The following SPATA6 variants were observed in gnomAD, a reference collection of about 807,000 sequenced individuals.
SPATA6 encodes the protein spermatogenesis-associated protein 6.
In SPATA6, 56 loss-of-function variants were observed where a neutral mutation model predicts 65.3. The observed-to-expected ratio is 0.86, with a 90% CI of 0.69 to 1.07. The LOEUF (loss-of-function observed/expected upper bound fraction) is 1.07. Ranked by LOEUF, SPATA6 falls within the 50% of genes least tolerant of loss-of-function variation. SPATA6 has a pLI of 0.00. For synonymous variants in SPATA6, 199 were observed against 213.2 expected (o/e 0.93, Z 0.58); for missense variants, 590 against 594.8 (o/e 0.99, Z 0.08).
At chr1:48,346,070 A>C (rs1646356007) in intron 11 of SPATA6, among the ~76,000 whole-genome samples, 1 of 152,148 alleles carries the variant, frequency 6.6e-6, no homozygotes, top group Non-Finnish European at 1.5e-5. Context: ...ACATCAAGGC[A>C]AAAATCCTCA....
At chr1:48,326,340 T>C (rs1269940809) in intron 11 of SPATA6, among the ~76,000 whole-genome samples, 2 of 152,124 alleles carry the variant, frequency 1.3e-5, no homozygotes, top group Admixed American at 6.6e-5. Flanking sequence ...CAAAACACTG[T>C]TGAAATTGTA....
intron 5 of SPATA6, among the ~76,000 whole-genome samples, chr1:48,410,532 G>GT (rs1283789961): frequency 1.3e-5 from 2 of 152,124 alleles, no homozygotes; most frequent in African/African-American, 4.8e-5. Flanking sequence ...CCAATGTACT[G>GT]TATTAATCCA....
At chr1:48,431,058 A>C (rs12064193) in intron 3 of SPATA6, among the ~76,000 whole-genome samples, 2,244 of 152,232 alleles carry the variant, frequency 0.015, 47 homozygotes, top group African/African-American at 0.05. Context: ...ACACATTTTA[A>C]AAGTGAAAGG....
chr1:48,367,852 G>C (rs566097200), intron 9 of SPATA6, among the ~76,000 whole-genome samples: 1 of 152,122 alleles, frequency 6.6e-6, no homozygotes, highest in Non-Finnish European at 1.5e-5. Flanking sequence ...ATGTTATCTG[G>C]TTATTTTGCT....
chr1:48,438,174 C>T (rs1277153159), intron 3 of SPATA6, among the ~76,000 whole-genome samples: 2 of 152,116 alleles, frequency 1.3e-5, no homozygotes, highest in Admixed American at 1.3e-4. Context: ...CCTTTAAGAG[C>T]TGTAACACTC....
At chr1:48,428,650 A>T (rs888404445) in intron 3 of SPATA6, among the ~76,000 whole-genome samples, 1 of 152,086 alleles carries the variant, frequency 6.6e-6, no homozygotes. Flanking sequence ...CACATTGAGC[A>T]GGCTGAGGTA....
intron 1 of SPATA6, among the ~76,000 whole-genome samples, chr1:48,470,276 AGTCAGGCAGCTGCGCTCACCAGACT>A (rs1389334289): frequency 6.6e-6 from 1 of 152,156 alleles, no homozygotes; most frequent in Admixed American, 6.5e-5. Flanking sequence ...GCAGCCAGCC[AGTCAGGCAGCTGCGCTCACCAGACT>A]GCTAAACACC....
At chr1:48,397,496 A>G (rs1570444820) in intron 7 of SPATA6, among the ~76,000 whole-genome samples, 1 of 151,720 alleles carries the variant, frequency 6.6e-6, no homozygotes, top group African/African-American at 2.4e-5. Context: ...TTATTCTTTA[A>G]GATGAAAGAA....
At chr1:48,364,572 A>T (rs962267379) in intron 9 of SPATA6, among the ~76,000 whole-genome samples, 9 of 152,014 alleles carry the variant, frequency 5.9e-5, no homozygotes, top group African/African-American at 4.8e-5. Context: ...GCATTTTTTC[A>T]TGTGTTTTTT....
intron 1 of SPATA6, among the ~76,000 whole-genome samples, chr1:48,457,438 G>GA (rs1657093513): frequency 6.7e-6 from 1 of 148,384 alleles, no homozygotes; most frequent in African/African-American, 2.6e-5. Context: ...TCTCAAAAAA[G>GA]AAAAAAAGAA....
chr1:48,298,703 A>C lies in SPATA6; in HGVS notation c.*10T>G, dbSNP rs772806686. ...GACACGGACACTAATGAGGTTTATC[A>C]TGGATGGTCTCAGAAGCTTTCCTGT... On this transcript the variant is annotated 3_prime_UTR_variant, in exon 13 of 13. Coordinates refer to ENST00000371847, the MANE Select transcript of SPATA6 (RefSeq NM_019073.4). 6 of 1,607,710 alleles carry C rather than the reference A, an allele frequency of 3.7e-6. No homozygotes were observed. The highest frequency in any genetic ancestry group is 5.1e-6 in the Non-Finnish European group (6 of 1,176,720).
chr1:48,396,018 CA>C (rs1346851179), intron 7 of SPATA6, among the ~76,000 whole-genome samples: 1 of 151,434 alleles, frequency 6.6e-6, no homozygotes, highest in Non-Finnish European at 1.5e-5. Flanking sequence ...AACTCAATAA[CA>C]AAAACAAATA....
chr1:48,344,937 C>T (rs1047893052), intron 11 of SPATA6, among the ~76,000 whole-genome samples: 1 of 152,092 alleles, frequency 6.6e-6, no homozygotes, highest in African/African-American at 2.4e-5. Context: ...GAGACTTTGA[C>T]ACCCCACTGA....
rs1203138545 is a variant in SPATA6, at chr1:48,407,629, C to T, written c.406-3747G>A. Among the ~76,000 whole-genome samples, 9 of 152,160 alleles carry T rather than the reference C, an allele frequency of 5.9e-5. No homozygotes were observed. The East Asian group carries it at 9.6e-4, about 16-fold the overall frequency. ...TCCCAGGCAAGAATGTTAATAGTCT[C>T]GCCAGTTTTTCCCAAAGCTTTAGCA... On this transcript the variant is annotated intron_variant, in intron 5 of 12. Transcript: ENST00000371847.
chr1:48,378,970 A>G (rs1466210409), intron 9 of SPATA6, among the ~76,000 whole-genome samples: 1 of 152,226 alleles, frequency 6.6e-6, no homozygotes, highest in Non-Finnish European at 1.5e-5. Flanking sequence ...TGGAAGACAT[A>G]ATGTTAAGTT....
In SPATA6 at chr1:48,385,352, G is replaced by A; in HGVS notation, c.869-3C>T. On this transcript the variant is annotated splice_polypyrimidine_tract_variant and splice_region_variant and intron_variant, in intron 8 of 12. Coordinates refer to ENST00000371847, the MANE Select transcript of SPATA6 (RefSeq NM_019073.4). Reference sequence around the variant, plus strand: ...GCAGCAGCCAAGATGAGAATGATCTGAAAAAGGAAGTACAAAACAATTAAA... The same window carrying A: ...GCAGCAGCCAAGATGAGAATGATCTAAAAAAGGAAGTACAAAACAATTAAA... The A allele has an allele frequency of 6.2e-7, 1 of 1,607,370 alleles. No homozygotes were observed.
At chr1:48,364,975 A>G (rs943600214) in intron 9 of SPATA6, among the ~76,000 whole-genome samples, 16 of 152,286 alleles carry the variant, frequency 1.1e-4, no homozygotes, top group Middle Eastern at 3.4e-3. Context: ...TAGTTTTTGT[A>G]TAAGGTGTAA....
At chr1:48,310,732 C>G (rs1645183946) in intron 11 of SPATA6, among the ~76,000 whole-genome samples, 2 of 152,106 alleles carry the variant, frequency 1.3e-5, no homozygotes, top group African/African-American at 4.8e-5. Flanking sequence ...ATAAATCAAC[C>G]AGACCTAACA....
At chr1:48,324,902 A>T (rs1645710541) in intron 11 of SPATA6, among the ~76,000 whole-genome samples, 1 of 152,210 alleles carries the variant, frequency 6.6e-6, no homozygotes, top group African/African-American at 2.4e-5. Context: ...CGAACAAGTC[A>T]AATTATCTTT....
Sources: allele counts gnomAD v4.1 joint callset (sites outside exome capture counted in the v4.1 genomes callset), GRCh38; gene constraint gnomAD v4.1.1; transcripts MANE v1.5; gene names NCBI Gene and HGNC (gene_info 2026-07-23, HGNC 2026-07-21).